The following GLIS3 variants were observed in gnomAD, a reference collection of about 807,000 sequenced individuals.
The protein encoded by GLIS3 is GLIS family zinc finger 3, also known as zinc finger protein GLIS3.
In GLIS3, 53 loss-of-function variants were observed where a neutral mutation model predicts 78.6. The observed-to-expected ratio is 0.67, with a 90% CI of 0.54 to 0.85. The LOEUF (loss-of-function observed/expected upper bound fraction) is 0.85. GLIS3 is among the 40% of genes least tolerant of loss of function. The pLI is 0.00. For synonymous variants in GLIS3, 684 were observed against 509.9 expected (o/e 1.34, Z -4.60); for missense variants, 1,703 against 1,231.1 (o/e 1.38, Z -5.74).
chr9:4,363,959 G>C, the GLIS3 span, among the ~76,000 whole-genome samples: 1 of 152,170 alleles, frequency 6.6e-6, no homozygotes. Context: ...TATTACAAAA[G>C]AGATTTCAAG....
chr9:4,398,051 C>T, the GLIS3 span, among the ~76,000 whole-genome samples: 1 of 152,028 alleles, frequency 6.6e-6, no homozygotes, highest in Non-Finnish European at 1.5e-5. Context: ...TTGAGTCAAT[C>T]GGCCCCTTCT....
At chr9:4,338,023 GCT>G (rs1491527136) in intron 2 of GLIS3, among the ~76,000 whole-genome samples, 118 of 115,798 alleles carry the variant, frequency 1.0e-3, no homozygotes, top group African/African-American at 3.9e-3. Flanking sequence ...GATTGGCAAG[GCT>G]GTGTGTGTGT....
At chr9:4,428,514 C>T in the GLIS3 span, among the ~76,000 whole-genome samples, 2 of 146,608 alleles carry the variant, frequency 1.4e-5, no homozygotes, top group Non-Finnish European at 3.0e-5. Context: ...AAAATTCAGG[C>T]CTAAAGAAGG....
intron 4 of GLIS3, among the ~76,000 whole-genome samples, chr9:4,116,132 T>C (rs1222363814): frequency 6.6e-6 from 1 of 152,232 alleles, no homozygotes; most frequent in Non-Finnish European, 1.5e-5. Flanking sequence ...AATTTTGCAA[T>C]GCAAAAAATA....
chr9:4,016,995 C>G (rs1219086428), intron 4 of GLIS3, among the ~76,000 whole-genome samples: 8 of 152,182 alleles, frequency 5.3e-5, no homozygotes, highest in Non-Finnish European at 1.0e-4. Flanking sequence ...CTTTCAATGT[C>G]CAGGAACAAC....
chr9:4,391,120 G>T, the GLIS3 span, among the ~76,000 whole-genome samples: 4 of 152,056 alleles, frequency 2.6e-5, no homozygotes, highest in Admixed American at 6.6e-5. Context: ...CCTAGACCCA[G>T]CCACCTCTTC....
At chr9:3,949,188 T>C (rs1816503741) in intron 4 of GLIS3, among the ~76,000 whole-genome samples, 1 of 152,214 alleles carries the variant, frequency 6.6e-6, no homozygotes, top group Admixed American at 6.5e-5. Flanking sequence ...TTTTTTCTCT[T>C]ACAAAGTAAA....
At chr9:4,366,824 G>T in the GLIS3 span, among the ~76,000 whole-genome samples, 4 of 152,144 alleles carry the variant, frequency 2.6e-5, no homozygotes, top group Non-Finnish European at 5.9e-5. Flanking sequence ...CTGGAAAATG[G>T]CCAAACAGTT....
intron 4 of GLIS3, among the ~76,000 whole-genome samples, chr9:3,992,458 C>T (rs604385): frequency 0.086 from 13,038 of 152,216 alleles, 1,732 homozygotes; most frequent in African/African-American, 0.29. Flanking sequence ...ATTTCCCTTC[C>T]TCCTCATGCA....
At chr9:4,135,451 A>G (rs781002592) in intron 2 of GLIS3, among the ~76,000 whole-genome samples, 15 of 152,176 alleles carry the variant, frequency 9.9e-5, no homozygotes, top group South Asian at 2.1e-4. Context: ...TTAGGCACAC[A>G]TTGACCCCTA....
chr9:4,197,987 G>A (rs935500952), intron 2 of GLIS3, among the ~76,000 whole-genome samples: 40 of 151,950 alleles, frequency 2.6e-4, no homozygotes, highest in African/African-American at 8.7e-4. Flanking sequence ...TATATGGAAA[G>A]AAAGAAAAAT....
intron 2 of GLIS3, among the ~76,000 whole-genome samples, chr9:4,276,363 A>T (rs187482315): frequency 3.4e-4 from 10 of 29,580 alleles, no homozygotes; most frequent in Non-Finnish European, 5.1e-4. Context: ...GGAGGGAAGG[A>T]GAGGGCACGG....
chr9:4,418,658 C>G, the GLIS3 span, among the ~76,000 whole-genome samples: 1 of 151,972 alleles, frequency 6.6e-6, no homozygotes. Flanking sequence ...GAGATCACGC[C>G]ACTGCACTCC....
intron 2 of GLIS3, among the ~76,000 whole-genome samples, chr9:4,216,601 G>C (rs1241008982): frequency 6.6e-6 from 1 of 152,096 alleles, no homozygotes; most frequent in Non-Finnish European, 1.5e-5. Flanking sequence ...GTTGGGGAAA[G>C]CCAATGTTCG....
At chr9:4,095,454 A>T (rs934064169) in intron 4 of GLIS3, among the ~76,000 whole-genome samples, 3 of 152,180 alleles carry the variant, frequency 2.0e-5, no homozygotes, top group South Asian at 2.1e-4. Context: ...CATAACTCCA[A>T]ATCTTTTGGT....
At chr9:3,897,457 C>G (rs766252479) in intron 7 of GLIS3, among the ~76,000 whole-genome samples, 1 of 151,732 alleles carries the variant, frequency 6.6e-6, no homozygotes, top group Non-Finnish European at 1.5e-5. Context: ...ATATTTAATA[C>G]AAAATATTTA....
chr9:4,182,211 G>C (rs1817391142), intron 2 of GLIS3, among the ~76,000 whole-genome samples: 1 of 152,168 alleles, frequency 6.6e-6, no homozygotes, highest in Admixed American at 6.5e-5. Context: ...ATCTGGCTGA[G>C]TTCTGTAGAC....
chr9:4,217,991 C>G (rs1043961161), intron 2 of GLIS3, among the ~76,000 whole-genome samples: 1 of 152,196 alleles, frequency 6.6e-6, no homozygotes, highest in African/African-American at 2.4e-5. Context: ...ACTTTTCCTT[C>G]TCCCTCCACT....
intron 4 of GLIS3, among the ~76,000 whole-genome samples, chr9:4,013,937 A>G (rs1239897231): frequency 6.6e-6 from 1 of 152,218 alleles, no homozygotes; most frequent in Non-Finnish European, 1.5e-5. Flanking sequence ...TTTCAGCACA[A>G]GAATGCTCAA....
Sources: allele counts gnomAD v4.1 joint callset (sites outside exome capture counted in the v4.1 genomes callset), GRCh38; gene constraint gnomAD v4.1.1; transcripts MANE v1.5; gene names NCBI Gene and HGNC (gene_info 2026-07-23, HGNC 2026-07-21).